The following CD200R1 variants were observed in gnomAD, a reference collection of about 807,000 sequenced individuals.
The protein encoded by CD200R1 is CD200 receptor 1.
Under a neutral mutation model 38.1 loss-of-function variants are expected in CD200R1, and 30 were observed. That is an observed-to-expected ratio of 0.79 (90% CI 0.59 to 1.07). The LOEUF (loss-of-function observed/expected upper bound fraction) is 1.07. Ranked by LOEUF, CD200R1 falls within the 50% of genes least tolerant of loss-of-function variation. The pLI, the probability that CD200R1 is intolerant of heterozygous loss-of-function variation, is 0.00. For synonymous variants in CD200R1, 128 were observed against 152.1 expected, an observed-to-expected ratio of 0.84 and a Z score of 1.16; for missense variants, 372 against 415.4, an observed-to-expected ratio of 0.90 and a Z score of 0.91.
chr3:112,946,471 G>T (rs1431753225), intron 2 of CD200R1, among the ~76,000 whole-genome samples: 3 of 152,138 alleles, frequency 2.0e-5, no homozygotes, highest in Admixed American at 2.0e-4. Context: ...TCAGCAATAT[G>T]CAAGCAAACA....
At chr3:112,926,772 A>T (rs1231562599) in intron 5 of CD200R1, among the ~76,000 whole-genome samples, 2 of 150,174 alleles carry the variant, frequency 1.3e-5, no homozygotes, top group Non-Finnish European at 1.5e-5. Flanking sequence ...GGTAAAAATA[A>T]TTTTTTTTTT....
rs750282836 is a variant in CD200R1, at chr3:112,928,963, C to A, written c.622G>T (p.Asp208Tyr). 13 of 1,613,860 alleles carry A rather than the reference C, an allele frequency of 8.1e-6. No individual in the cohort carries two copies. Among genetic ancestry groups the A allele is most frequent in the Non-Finnish European group, 1.0e-5 (12 of 1,179,970 alleles). The change falls in exon 5 of 8, where the codon GAT becomes TAT. Residue 208 changes from aspartate to tyrosine, a missense_variant. Physicochemically the swap from Asp to Tyr is radical, Grantham distance 160. Transcript: ENST00000308611. ...AAHISWIPEG[D>Y]CATKQEYWSN... The stretch of plus-strand genomic sequence containing the variant: ...CAGTATTCTTGCTTAGTGGCACAAT[C>A]GCCCTCTGGGATCCAGGAGATATGC...
chr3:112,953,070 T>C (rs1413870327), intron 1 of CD200R1, among the ~76,000 whole-genome samples: 1 of 152,154 alleles, frequency 6.6e-6, no homozygotes, highest in African/African-American at 2.4e-5. Context: ...TTTTCCCCCA[T>C]AAAGTGTGAA....
chr3:112,964,655 A>T (rs1933112189), intron 1 of CD200R1, among the ~76,000 whole-genome samples: 2 of 152,228 alleles, frequency 1.3e-5, no homozygotes, highest in Non-Finnish European at 2.9e-5. Context: ...GCTCATAGGC[A>T]GAAGAGACTT....
At chr3:112,924,087 G>A (rs1940229844) in intron 7 of CD200R1, among the ~76,000 whole-genome samples, 1 of 151,882 alleles carries the variant, frequency 6.6e-6, no homozygotes, top group South Asian at 2.1e-4. Context: ...TGGAGACTTA[G>A]TAAGCTACTT....
At chr3:112,927,241 C>G (rs1376610177) in intron 5 of CD200R1, among the ~76,000 whole-genome samples, 3 of 152,118 alleles carry the variant, frequency 2.0e-5, no homozygotes, top group African/African-American at 7.2e-5. Flanking sequence ...GTGGCACACT[C>G]ACATGCACAC....
At chr3:112,971,668 C>T (rs1933312802) in intron 1 of CD200R1, among the ~76,000 whole-genome samples, 1 of 152,114 alleles carries the variant, frequency 6.6e-6, no homozygotes. Flanking sequence ...TCCTGTTCAC[C>T]AAAGAACAGG....
intron 1 of CD200R1, among the ~76,000 whole-genome samples, chr3:112,974,251 T>C (rs929631698): frequency 6.6e-6 from 1 of 151,852 alleles, no homozygotes; most frequent in African/African-American, 2.4e-5. Context: ...GCATGGACAA[T>C]ATAGCAAGAC....
In CD200R1 at chr3:112,922,099, G is replaced by C. The variant is rs1306871607; in HGVS notation, c.*1578C>G. 2 of 151,958 alleles carry C rather than the reference G, an allele frequency of 1.3e-5. No individual in the cohort carries two copies. Among genetic ancestry groups the C allele is most frequent in the Non-Finnish European group, 2.9e-5 (2 of 67,936 alleles). The allele number at this position is 151,958 out of a possible 1,614,324, so 9.4% of individuals were successfully genotyped here. ...AAATATCATGTGCCAAGTGTCATTAGATTAGCTTTACATCCAAAATAGACT... is the reference window on the plus strand; with the variant it reads ...AAATATCATGTGCCAAGTGTCATTACATTAGCTTTACATCCAAAATAGACT... On this transcript the variant is annotated 3_prime_UTR_variant, in exon 8 of 8. Coordinates refer to ENST00000308611, the MANE Select transcript of CD200R1 (RefSeq NM_138806.4).
intron 1 of CD200R1, among the ~76,000 whole-genome samples, chr3:112,959,177 C>G (rs545229014): frequency 4.6e-5 from 7 of 152,264 alleles, no homozygotes; most frequent in African/African-American, 1.4e-4. Flanking sequence ...CAAAAGAGAG[C>G]AAGTATTATA....
At chr3:112,970,019 A>C (rs1352134151) in intron 1 of CD200R1, among the ~76,000 whole-genome samples, 2 of 149,756 alleles carry the variant, frequency 1.3e-5, no homozygotes, top group African/African-American at 2.4e-5. Flanking sequence ...AAAAAATACA[A>C]AAAAAAAAAT....
At chr3:112,929,138 T>G (rs1940354994) in intron 4 of CD200R1, 52 bp downstream of exon 4, 4 of 1,612,388 alleles carry the variant, frequency 2.5e-6, no homozygotes, top group Non-Finnish European at 2.5e-6. Flanking sequence ...AGACATTTGT[T>G]TCCGTCACAA....
At chr3:112,946,121 C>T (rs146207132) in intron 2 of CD200R1, among the ~76,000 whole-genome samples, 2,690 of 151,620 alleles carry the variant, frequency 0.018, 29 homozygotes, top group South Asian at 0.048. Flanking sequence ...CTGAGGGATT[C>T]CATCACCCCA....
intron 1 of CD200R1, among the ~76,000 whole-genome samples, chr3:112,966,304 A>G (rs1340419152): frequency 6.6e-6 from 1 of 152,230 alleles, no homozygotes; most frequent in Non-Finnish European, 1.5e-5. Flanking sequence ...AAGTCTGATT[A>G]AGCAGGCTTA....
chr3:112,966,274 T>C (rs1020142272), intron 1 of CD200R1, among the ~76,000 whole-genome samples: 1 of 152,184 alleles, frequency 6.6e-6, no homozygotes, highest in Non-Finnish European at 1.5e-5. Context: ...TGTGAAAGTC[T>C]AGATCCCTAT....
chr3:112,930,273 T>G (rs1485379434), intron 3 of CD200R1, among the ~76,000 whole-genome samples: 1 of 152,176 alleles, frequency 6.6e-6, no homozygotes, highest in African/African-American at 2.4e-5. Context: ...CTTTAGACAT[T>G]TTTTATTAAA....
rs141971684 is a variant in CD200R1, at chr3:112,928,674, T to G, written c.769+142A>C. ...TCTGTACTATTCTCCTCAACTCATC[T>G]CTTTATTTTGGTCAGGGAAGAGATA... On this transcript the variant is annotated intron_variant, in intron 5 of 7. Transcript: ENST00000308611. 2.1e-3 allele frequency: 1,392 copies of G among 655,044 alleles called. 16 individuals carry two copies. The highest frequency in any genetic ancestry group is 0.02 in the African/African-American group (1,107 of 54,842). The allele number at this position is 655,044 out of a possible 1,614,324, so 40.6% of individuals were successfully genotyped here. A position where few individuals can be genotyped will look rare whatever the true frequency, so the allele number is the denominator to read the frequency against.
intron 5 of CD200R1, among the ~76,000 whole-genome samples, chr3:112,928,018 T>C (rs1940320944): frequency 6.6e-6 from 1 of 152,160 alleles, no homozygotes; most frequent in South Asian, 2.1e-4. Context: ...TTACCTCAAC[T>C]AAAGTTTGAA....
chr3:112,939,168 C>T (rs944056240), intron 2 of CD200R1, among the ~76,000 whole-genome samples: 2 of 151,786 alleles, frequency 1.3e-5, no homozygotes, highest in African/African-American at 2.4e-5. Flanking sequence ...TAATATTATA[C>T]TAAATGGGGA....
Sources: gnomAD v4.1 joint callset for allele counts (sites outside exome capture counted in the v4.1 genomes callset) on GRCh38, gnomAD v4.1.1 for gene constraint, MANE v1.5 for transcripts, NCBI Gene and HGNC (gene_info 2026-07-23, HGNC 2026-07-21) for gene names.